The following CSMD2 variants were observed in gnomAD, a reference collection of about 807,000 sequenced individuals.
CSMD2 encodes CUB and Sushi multiple domains 2.
CSMD2 carries 130 observed loss-of-function variants against 398.5 expected under a neutral mutation model. That is an observed-to-expected ratio of 0.33 (90% CI 0.28 to 0.38). CSMD2 has a LOEUF of 0.38. Among genes scored for constraint, CSMD2 ranks in the 10% least tolerant of loss-of-function variants. The probability of loss-of-function intolerance (pLI) is 1.00; values close to 1 mark genes in which losing one functional copy is unlikely to be tolerated. For synonymous variants in CSMD2, 1,828 were observed against 1,908.5 expected (o/e 0.96, Z 1.10); for missense variants, 3,829 against 4,764.9 (o/e 0.80, Z 5.78).
At chr1:33,767,463 C>A (rs768087946) in intron 13 of CSMD2, among the ~76,000 whole-genome samples, 1 of 152,190 alleles carries the variant, frequency 6.6e-6, no homozygotes, top group African/African-American at 2.4e-5. Flanking sequence ...GATAGAGTTA[C>A]AGCACATTAT....
At chr1:34,073,105 G>C (rs375191724) in intron 2 of CSMD2, among the ~76,000 whole-genome samples, 1 of 152,176 alleles carries the variant, frequency 6.6e-6, no homozygotes, top group African/African-American at 2.4e-5. Context: ...GCCCTGCCCA[G>C]CAATGATCAG....
intron 3 of CSMD2, among the ~76,000 whole-genome samples, chr1:33,971,431 C>T (rs1359307523): frequency 1.3e-5 from 2 of 152,250 alleles, no homozygotes; most frequent in African/African-American, 4.8e-5. Context: ...GCTGGGAGAT[C>T]TGCAGGGCCT....
rs1645514198 is a variant in CSMD2 at position 33,698,937 on chromosome 1, T to A, written c.3741A>T (p.Glu1247Asp). The part of the protein sequence containing the change: ...KGFELHFSSF[E>D]LIKCEDPGTP... ...TTCCTGGGTCCTCACATTTGATGAG[T>A]TCAAAGCCTGGTGAGGAGAGAAGAG... The change falls in exon 24 of 71, where the codon GAA (glutamate) becomes GAT (aspartate). Residue 1247 changes from glutamate to aspartate, a missense_variant. Physicochemically the swap from Glu to Asp is conservative, Grantham distance 45. Around this residue, in one of 5 missense-constraint regions of CSMD2, gnomAD observed 2,001 missense variants for 2,567.1 expected, o/e 0.78. Transcript: ENST00000373381. 6.2e-7 allele frequency: 1 copy of A among 1,613,204 alleles called. No homozygotes were observed. The highest frequency in any genetic ancestry group is 1.3e-5 in the African/African-American group (1 of 74,880).
At chr1:33,911,427 G>A (rs1445900478) in intron 5 of CSMD2, among the ~76,000 whole-genome samples, 1 of 152,032 alleles carries the variant, frequency 6.6e-6, no homozygotes, top group Non-Finnish European at 1.5e-5. Flanking sequence ...AAATTCCATG[G>A]GTAAAATGCC....
intron 2 of CSMD2, among the ~76,000 whole-genome samples, chr1:34,063,063 C>T (rs1230203684): frequency 6.6e-6 from 1 of 152,166 alleles, no homozygotes; most frequent in East Asian, 1.9e-4. Context: ...GACTTATTCA[C>T]TACCACAAGA....
In CSMD2 at chr1:33,636,405, G is replaced by T. The variant is rs2148917503; in HGVS notation, c.4924C>A (p.Pro1642Thr). 6.2e-7 allele frequency: 1 copy of T among 1,613,790 alleles called. No individual in the cohort carries two copies. The highest frequency in any genetic ancestry group is 1.1e-5 in the South Asian group (1 of 91,014). The change falls in exon 30 of 71, where the codon CCT becomes ACT. Residue 1642 changes from proline to threonine, a missense_variant. Coordinates refer to ENST00000373381, the MANE Select transcript of CSMD2 (RefSeq NM_001281956.2). The surrounding 1 kb of genome is among the most constrained non-coding windows in gnomAD (Gnocchi z 4.8). ...GTSTLSCILG[P>T]DGKPVWNNPR... ...TTGTTCCACACGGGCTTCCCATCAG[G>T]CCCCAGGATGCAGCTCAGGGTCGAG...
Position 33,739,302 on chromosome 1 carries a change from C to A in CSMD2, c.2206G>T (p.Val736Phe). 1 of 1,613,884 alleles carries A rather than the reference C, an allele frequency of 6.2e-7. No homozygotes were observed. Among genetic ancestry groups the A allele is most frequent in the Non-Finnish European group, 8.5e-7 (1 of 1,179,874 alleles). ...FRHNECPDPGVPVNGKRFGDS... is the reference protein window; with the variant it reads ...FRHNECPDPGFPVNGKRFGDS... ...CCAAACCGTTTGCCATTTACTGGAA[C>A]GCCAGGATCCGGGCACTCGTTGTGT... Residue 736 changes from valine to phenylalanine, a missense_variant, in exon 15 of 71, where the codon GTT becomes TTT. By Grantham distance (50) the Val-to-Phe change is conservative (BLOSUM62 -1). Around this residue, in one of 5 missense-constraint regions of CSMD2, gnomAD observed 2,001 missense variants for 2,567.1 expected, o/e 0.78. Coordinates refer to ENST00000373381, the MANE Select transcript of CSMD2 (RefSeq NM_001281956.2).
chr1:34,035,610 T>A (rs1651012812), intron 2 of CSMD2, among the ~76,000 whole-genome samples: 1 of 151,932 alleles, frequency 6.6e-6, no homozygotes, highest in African/African-American at 2.4e-5. Context: ...AAAAATCACA[T>A]GACCACATCA....
rs564891861 is a variant in CSMD2 at position 33,699,477 on chromosome 1, C to T, written c.3734-533G>A. ...GGGTATAATTATCTGCATTTTACAA[C>T]GGAGAGCATTGATTTGGGAAGGTTA... On this transcript the variant is annotated intron_variant, in intron 23 of 70. Coordinates refer to ENST00000373381, the MANE Select transcript of CSMD2 (RefSeq NM_001281956.2). 1.7e-3 allele frequency among the ~76,000 whole-genome samples: 262 copies of T among 152,278 alleles called. 1 individual carries two copies. Among genetic ancestry groups the T allele is most frequent in the African/African-American group, 5.9e-3 (244 of 41,562 alleles).
At chr1:33,864,057 G>C (rs958012291) in intron 5 of CSMD2, 4 of 800,740 alleles carry the variant, frequency 5.0e-6, no homozygotes, top group Non-Finnish European at 8.1e-6. Flanking sequence ...TGAAAAGGCT[G>C]AGCCCTGACT....
intron 3 of CSMD2, among the ~76,000 whole-genome samples, chr1:33,998,443 G>T (rs561390706): frequency 7.1e-4 from 108 of 152,316 alleles, no homozygotes; most frequent in Non-Finnish European, 1.3e-3. Flanking sequence ...CATGCAAAAT[G>T]ACCAGTCTGT....
At chr1:33,899,778 T>C (rs1642630193) in intron 5 of CSMD2, among the ~76,000 whole-genome samples, 1 of 152,162 alleles carries the variant, frequency 6.6e-6, no homozygotes, top group Admixed American at 6.5e-5. Context: ...GAAAGCTAAG[T>C]GACTTGCTGT....
intron 41 of CSMD2, among the ~76,000 whole-genome samples, chr1:33,609,505 G>C (rs1159624633): frequency 6.6e-6 from 1 of 152,182 alleles, no homozygotes; most frequent in African/African-American, 2.4e-5. Context: ...TCCAGGCCTG[G>C]AAAGGTCACA....
chr1:33,931,187 A>G (rs2125316651), intron 4 of CSMD2, among the ~76,000 whole-genome samples: 1 of 152,310 alleles, frequency 6.6e-6, no homozygotes, highest in African/African-American at 2.4e-5. Flanking sequence ...TGCCCAGTGG[A>G]TGAGGTTTAC....
intron 29 of CSMD2, among the ~76,000 whole-genome samples, chr1:33,642,774 T>C (rs1643187200): frequency 6.6e-6 from 1 of 152,232 alleles, no homozygotes; most frequent in Non-Finnish European, 1.5e-5. Flanking sequence ...TTTCTGTTTC[T>C]TGTGTTTTTA....
intron 3 of CSMD2, among the ~76,000 whole-genome samples, chr1:33,968,729 C>CCTTTTGAA (rs1645648505): frequency 1.3e-5 from 2 of 152,190 alleles, no homozygotes; most frequent in African/African-American, 4.8e-5. Flanking sequence ...TGAAACCCTG[C>CCTTTTGAA]ACTGAGGACC....
At chr1:33,877,447 T>C (rs1640917814) in intron 5 of CSMD2, among the ~76,000 whole-genome samples, 1 of 152,192 alleles carries the variant, frequency 6.6e-6, no homozygotes, top group South Asian at 2.1e-4. Flanking sequence ...CTTGATGCAA[T>C]CCCAGATCCT....
intron 1 of CSMD2, among the ~76,000 whole-genome samples, chr1:34,103,318 A>C (rs1288739809): frequency 2.1e-5 from 2 of 94,400 alleles, no homozygotes; most frequent in Admixed American, 3.1e-4. Flanking sequence ...TTTCTTTCTG[A>C]GCCAGATTCT....
intron 5 of CSMD2, chr1:33,864,881 T>C: frequency 1.7e-6 from 1 of 578,320 alleles, no homozygotes; most frequent in Non-Finnish European, 2.6e-6. Context: ...GAGAGACTGA[T>C]CCTGAGGAGG....
Sources: allele counts gnomAD v4.1 joint callset (sites outside exome capture counted in the v4.1 genomes callset), GRCh38; gene constraint gnomAD v4.1.1; regional missense constraint gnomAD v4.1.1; non-coding constraint Gnocchi (gnomAD v3.1); transcripts MANE v1.5; gene names NCBI Gene and HGNC (gene_info 2026-07-23, HGNC 2026-07-21).